Variants in SEC31A observed in about 807,000 individuals in gnomAD.
SEC31A encodes the protein protein transport protein Sec31A.
In SEC31A, 70 loss-of-function variants were observed where a neutral mutation model predicts 151.0. That is an observed-to-expected ratio of 0.46 (90% CI 0.38 to 0.57). The LOEUF is 0.57. Among genes scored for constraint, SEC31A ranks in the 20% least tolerant of loss-of-function variants. SEC31A has a pLI of 0.00. For synonymous variants in SEC31A, 475 were observed against 505.9 expected (o/e 0.94, Z 0.82); for missense variants, 1,330 against 1,471.2 (o/e 0.90, Z 1.57).
intron 1 of SEC31A, among the ~76,000 whole-genome samples, chr4:82,883,113 C>T (rs1014856388): frequency 1.3e-5 from 2 of 151,616 alleles, no homozygotes; most frequent in Non-Finnish European, 2.9e-5. Flanking sequence ...GAGCGAGACT[C>T]GGTCTCAAAA....
chr4:82,889,239 T>C (rs147619941), intron 1 of SEC31A, among the ~76,000 whole-genome samples: 1 of 152,302 alleles, frequency 6.6e-6, no homozygotes, highest in African/African-American at 2.4e-5. Context: ...AACAACAATG[T>C]AATCAATGTA....
chr4:82,881,464 CAA>C (rs1205052802), intron 2 of SEC31A, among the ~76,000 whole-genome samples: 9 of 135,852 alleles, frequency 6.6e-5, no homozygotes, highest in African/African-American at 1.6e-4. Context: ...GACTCCATCT[CAA>C]AAAAAAAAAA....
In SEC31A at chr4:82,835,410, CAAAAAACTATA is replaced by C. The variant is rs1726967446; in HGVS notation, c.2969-6363_2969-6353del. 2.0e-5 allele frequency among the ~76,000 whole-genome samples: 3 copies of C among 152,126 alleles called. No individual in the cohort carries two copies. In the South Asian group the frequency reaches 6.2e-4, roughly 32 times the overall value. The stretch of plus-strand genomic sequence containing the variant: ...CTCCCCTATCCTTTTTTAACTCTTT[CAAAAAACTATA>C]AAGTGGGGATGAATCTTTTACTCTT... On this transcript the variant is annotated intron_variant, in intron 22 of 26. Transcript: ENST00000395310.
At chr4:82,856,313 G>T (rs867551745) in intron 16 of SEC31A, among the ~76,000 whole-genome samples, 2 of 151,630 alleles carry the variant, frequency 1.3e-5, no homozygotes, top group Non-Finnish European at 2.9e-5. Context: ...ACCACATCCG[G>T]TTAATTTTTT....
At chr4:82,886,585 A>G (rs1367297651) in intron 1 of SEC31A, among the ~76,000 whole-genome samples, 1 of 152,180 alleles carries the variant, frequency 6.6e-6, no homozygotes, top group Non-Finnish European at 1.5e-5. Context: ...TCTAAGATAT[A>G]AAAAAGGCAT....
At chr4:82,871,233 G>A (rs1178337836) in intron 7 of SEC31A, 12 of 1,191,504 alleles carry the variant, frequency 1.0e-5, no homozygotes, top group Non-Finnish European at 1.3e-5. Flanking sequence ...TGGTATTCAT[G>A]ATTAACGAAA....
At chr4:82,870,733 G>T (rs1187876432) in intron 7 of SEC31A, among the ~76,000 whole-genome samples, 1 of 151,950 alleles carries the variant, frequency 6.6e-6, no homozygotes, top group South Asian at 2.1e-4. Context: ...AACAAAAAAA[G>T]AAATAAAAAT....
chr4:82,849,368 A>G (rs1001496843), intron 19 of SEC31A, among the ~76,000 whole-genome samples: 3 of 152,162 alleles, frequency 2.0e-5, no homozygotes, highest in Non-Finnish European at 4.4e-5. Context: ...CAATCCCAGC[A>G]CTTTGGGAGG....
intron 6 of SEC31A, among the ~76,000 whole-genome samples, chr4:82,874,049 C>T (rs577032444): frequency 1.3e-5 from 2 of 151,974 alleles, no homozygotes; most frequent in African/African-American, 4.8e-5. Context: ...CCTGTAATCC[C>T]AGCACTTTGG....
intron 14 of SEC31A, among the ~76,000 whole-genome samples, chr4:82,859,788 A>ACT (rs1733646969): frequency 1.5e-5 from 1 of 68,216 alleles, no homozygotes; most frequent in Non-Finnish European, 3.5e-5. Context: ...CTTGCATAAA[A>ACT]ATATTTTTTT....
At position 82,819,198 on chromosome 4, in the gene SEC31A, C is replaced by G. The variant is rs749817015; in HGVS notation, c.3539G>C (p.Arg1180Pro). 1.2e-6 allele frequency: 2 copies of G among 1,610,974 alleles called. No individual in the cohort carries two copies. The highest frequency in any genetic ancestry group is 1.7e-6 in the Non-Finnish European group (2 of 1,178,654). The change falls in exon 27 of 27, where the codon CGA becomes CCA. Residue 1180 changes from arginine (R) to proline (P), a missense_variant. Physicochemically the swap from Arg to Pro is moderately radical, Grantham distance 103. Transcript: ENST00000395310. ...CATGGTCAATCCTTCTGAGTAGTTT[C>G]GAGTTTCAATGCTCCTTGCAATGTT... Reference protein sequence around the residue: ...LHNIARSIETRNYSEGLTMHT... With the variant: ...LHNIARSIETPNYSEGLTMHT...
chr4:82,837,374 T>C (rs560523675), intron 22 of SEC31A, among the ~76,000 whole-genome samples: 59 of 151,984 alleles, frequency 3.9e-4, no homozygotes, highest in Admixed American at 2.8e-3. Flanking sequence ...AAAAACTTCC[T>C]ACAGTGAAAA....
At chr4:82,824,995 A>G (rs1003091287) in intron 24 of SEC31A, among the ~76,000 whole-genome samples, 2 of 152,224 alleles carry the variant, frequency 1.3e-5, no homozygotes, top group African/African-American at 4.8e-5. Flanking sequence ...CAGAGAATAA[A>G]AACAAGGCAC....
At chr4:82,824,771 G>T in intron 24 of SEC31A, 97 bp from the exon 25 acceptor site, 1 of 1,336,888 alleles carries the variant, frequency 7.5e-7, no homozygotes, top group Non-Finnish European at 1.0e-6. Flanking sequence ...CGACAACCTT[G>T]TACATAGACC....
At position 82,818,966 on chromosome 4, in the gene SEC31A, G is replaced by T; in HGVS notation, c.*108C>A. The T allele has an allele frequency of 1.3e-6, 1 of 796,872 alleles. No individual in the cohort carries two copies. Among genetic ancestry groups the T allele is most frequent in the Non-Finnish European group, 1.9e-6 (1 of 522,622 alleles). The allele number at this position is 796,872 out of a possible 1,614,324, so 49.4% of individuals were successfully genotyped here. On this transcript the variant is annotated 3_prime_UTR_variant, in exon 27 of 27. Coordinates refer to ENST00000395310, the MANE Select transcript of SEC31A (RefSeq NM_001077207.4). ...GAAATAGTGTAAATGCTCTTGACTG[G>T]TTGCTATGCAAACATGCTAATGAGG...
At chr4:82,849,426 A>C (rs961465162) in intron 19 of SEC31A, among the ~76,000 whole-genome samples, 3 of 152,088 alleles carry the variant, frequency 2.0e-5, no homozygotes, top group African/African-American at 7.2e-5. Context: ...CATCCTGGCT[A>C]ACACGGTGAA....
chr4:82,870,206 C>CA, intron 8 of SEC31A, 119 bp downstream of exon 8: 1 of 687,886 alleles, frequency 1.5e-6, no homozygotes, highest in Non-Finnish European at 2.5e-6. Context: ...ACTGCACACA[C>CA]ACGTCCACAT....
upstream of SEC31A, among the ~76,000 whole-genome samples, chr4:82,896,230 C>CT (rs1720053570): frequency 6.6e-6 from 1 of 152,124 alleles, no homozygotes; most frequent in Non-Finnish European, 1.5e-5. Flanking sequence ...CCAACTCTTT[C>CT]TTTTTTGAGA....
intron 1 of SEC31A, among the ~76,000 whole-genome samples, chr4:82,887,313 T>C (rs1379090311): frequency 6.6e-6 from 1 of 152,168 alleles, no homozygotes; most frequent in African/African-American, 2.4e-5. Flanking sequence ...GAACATAAAA[T>C]AGTTAAATGT....
Sources: allele counts gnomAD v4.1 joint callset (sites outside exome capture counted in the v4.1 genomes callset), GRCh38; gene constraint gnomAD v4.1.1; transcripts MANE v1.5; gene names NCBI Gene and HGNC (gene_info 2026-07-23, HGNC 2026-07-21).